Variants in SBNO2 observed in about 807,000 individuals in gnomAD.
The protein encoded by SBNO2 is strawberry notch homolog 2, also known as protein strawberry notch homolog 2.
SBNO2 carries 89 observed loss-of-function variants against 146.3 expected under a neutral mutation model. That is an observed-to-expected ratio of 0.61 (90% CI 0.51 to 0.73). SBNO2 has a LOEUF of 0.73. Ranked by LOEUF, SBNO2 falls within the 30% of genes least tolerant of loss-of-function variation. The pLI is 0.00. For synonymous variants in SBNO2, 1,147 were observed against 892.6 expected (o/e 1.29, Z -5.08); for missense variants, 2,092 against 2,003.7 (o/e 1.04, Z -0.84).
intron 14 of SBNO2, 100 bp downstream of exon 14, chr19:1,118,911 G>T: frequency 7.8e-7 from 1 of 1,274,322 alleles, no homozygotes; most frequent in Non-Finnish European, 1.1e-6. Flanking sequence ...GGACAGGGCG[G>T]GCCGTCACCT....
At position 1,158,239 on chromosome 19, in the gene SBNO2, C is replaced by T. The variant is rs2080310723; in HGVS notation, c.-126-3837G>A. ...GAGCACCTGTCGTGTGGAGCCCCTT[C>T]GCGCGCTCCGCCCTCAGACCCGAGC... On this transcript the variant is annotated intron_variant, in intron 1 of 31. Coordinates refer to ENST00000361757, the MANE Select transcript of SBNO2 (RefSeq NM_014963.3). This position sits in a 1 kb window ranked among gnomAD's most constrained non-coding sequence, Gnocchi z 9.9. Among the ~76,000 whole-genome samples the T allele has an allele frequency of 6.6e-6, 1 of 152,216 alleles. No homozygotes were observed. Among genetic ancestry groups the T allele is most frequent in the African/African-American group, 2.4e-5 (1 of 41,452 alleles).
intron 1 of SBNO2, among the ~76,000 whole-genome samples, chr19:1,164,433 A>G: frequency 6.9e-6 from 1 of 145,490 alleles, no homozygotes; most frequent in African/African-American, 2.6e-5. Flanking sequence ...GAGGAGGAGG[A>G]GGAGGAGGAG....
intron 1 of SBNO2, among the ~76,000 whole-genome samples, chr19:1,165,692 T>TCCCAGACCCCAGATCCTAGATCCCAGAC (rs2080408766): frequency 2.8e-5 from 1 of 35,128 alleles, no homozygotes; most frequent in Admixed American, 3.7e-4. Context: ...AGACCCCAGA[T>TCCCAGACCCCAGATCCTAGATCCCAGAC]CTCAGACCCC....
At chr19:1,123,720 G>A in intron 6 of SBNO2, 81 bp from the exon 7 acceptor site, 1 of 1,375,302 alleles carries the variant, frequency 7.3e-7, no homozygotes, top group South Asian at 1.3e-5. Context: ...GCAGGGGCCA[G>A]GCTGACCATG....
chr19:1,166,100 AACCCCAGATCTCAG>A (rs1458909248), intron 1 of SBNO2, among the ~76,000 whole-genome samples: 5 of 27,228 alleles, frequency 1.8e-4, no homozygotes, highest in Non-Finnish European at 3.2e-4. Context: ...CTAGATCCCA[AACCCCAGATCTCAG>A]ACCCCAGATC....
chr19:1,108,974 G>A lies in SBNO2; in HGVS notation c.3426-5C>T, dbSNP rs1240108543. The A allele has an allele frequency of 4.6e-6, 7 of 1,517,730 alleles. No individual in the cohort carries two copies. Among genetic ancestry groups the A allele is most frequent in the East Asian group, 2.4e-5 (1 of 41,048 alleles). The allele number at this position is 1,517,730 out of a possible 1,614,324, so 94.0% of individuals were successfully genotyped here. ...GCCAGCCGGCAGTGCCGGTTCCTGCGGACGAGACGGGTCGTCTCGGCTCAG... is the reference window on the plus strand; with the variant it reads ...GCCAGCCGGCAGTGCCGGTTCCTGCAGACGAGACGGGTCGTCTCGGCTCAG... On this transcript the variant is annotated splice_region_variant and splice_polypyrimidine_tract_variant and intron_variant, in intron 30 of 31. Transcript: ENST00000361757.
chr19:1,154,580 G>A (rs1407143775), intron 1 of SBNO2, among the ~76,000 whole-genome samples, 178 bp from the exon 2 acceptor site: 3 of 152,136 alleles, frequency 2.0e-5, no homozygotes, highest in East Asian at 1.9e-4. Context: ...GCCATCAGCA[G>A]TGCCACCCAA....
chr19:1,113,790 G>C lies in SBNO2; in HGVS notation c.2078-86C>G, dbSNP rs1215633808. ...CTCAAGGCTGGCCCCTGGAGGGCAA[G>C]GACAAGGGGCCCGGGGCAACCCTGA... On this transcript the variant is annotated intron_variant, in intron 18 of 31. Coordinates refer to ENST00000361757, the MANE Select transcript of SBNO2 (RefSeq NM_014963.3). 8 of 1,381,580 alleles carry C rather than the reference G, an allele frequency of 5.8e-6. No individual in the cohort carries two copies. The South Asian group carries it at 1.4e-4, about 23-fold the overall frequency. The allele number at this position is 1,381,580 out of a possible 1,614,324, so 85.6% of individuals were successfully genotyped here.
intron 11 of SBNO2, 87 bp from the exon 12 acceptor site, chr19:1,120,110 C>T (rs987919020): frequency 8.8e-6 from 9 of 1,024,924 alleles, no homozygotes; most frequent in Non-Finnish European, 1.3e-5. Flanking sequence ...CCCCACCTTC[C>T]TGGTGGGGGG....
chr19:1,121,658 G>T (rs931849875), intron 11 of SBNO2, among the ~76,000 whole-genome samples: 1 of 152,180 alleles, frequency 6.6e-6, no homozygotes, highest in Admixed American at 6.5e-5. Context: ...GCCTGCCGAC[G>T]AGAGCCCTGG....
At chr19:1,162,447 G>A (rs372679479) in intron 1 of SBNO2, among the ~76,000 whole-genome samples, 4 of 145,562 alleles carry the variant, frequency 2.7e-5, no homozygotes, top group South Asian at 4.6e-4. Flanking sequence ...GTGAAAGAGC[G>A]AGACTCCGTC....
In SBNO2 at chr19:1,162,543, T is replaced by A. The variant is rs118049399; in HGVS notation, c.-126-8141A>T. Among the ~76,000 whole-genome samples, 571 of 151,346 alleles carry A rather than the reference T, an allele frequency of 3.8e-3. 17 individuals are homozygous for A. In the East Asian group the frequency reaches 0.091, roughly 24 times the overall value. ...TGGAAATCTGGCTTCCTCTCACCCATACGAGCCTGCCAGAGGCAGGAGGCT... is the reference window on the plus strand; with the variant it reads ...TGGAAATCTGGCTTCCTCTCACCCAAACGAGCCTGCCAGAGGCAGGAGGCT... On this transcript the variant is annotated intron_variant, in intron 1 of 31. Coordinates refer to ENST00000361757, the MANE Select transcript of SBNO2 (RefSeq NM_014963.3).
At chr19:1,165,293 G>C (rs545219288) in intron 1 of SBNO2, among the ~76,000 whole-genome samples, 218 of 152,306 alleles carry the variant, frequency 1.4e-3, no homozygotes, top group African/African-American at 5.0e-3. Flanking sequence ...GGGAATAAAG[G>C]AGGCCCTGGG....
At position 1,157,809 on chromosome 19, in the gene SBNO2, G is replaced by C. The variant is rs549659731; in HGVS notation, c.-126-3407C>G. 6.6e-6 allele frequency among the ~76,000 whole-genome samples: 1 copy of C among 150,782 alleles called. No individual in the cohort carries two copies. The highest frequency in any genetic ancestry group is 2.1e-4 in the South Asian group (1 of 4,796). On this transcript the variant is annotated intron_variant, in intron 1 of 31. Coordinates refer to ENST00000361757, the MANE Select transcript of SBNO2 (RefSeq NM_014963.3). The surrounding 1 kb of genome is among the most constrained non-coding windows in gnomAD (Gnocchi z 6.8). ...ACCGGGTAACTGTGTCCGCCTCCCA[G>C]CTCTCTCCTGAGTCCGGGTAACTGC...
intron 4 of SBNO2, among the ~76,000 whole-genome samples, chr19:1,141,033 G>A (rs1017956070): frequency 2.6e-5 from 4 of 151,520 alleles, no homozygotes; most frequent in Admixed American, 6.6e-5. Flanking sequence ...TGGAGAAGAC[G>A]CACCCCGGAG....
Position 1,109,191 on chromosome 19 carries a change from C to T in SBNO2, c.3369G>A (p.Lys1123=). 6.4e-7 allele frequency: 1 copy of T among 1,563,724 alleles called. No homozygotes were observed. Among genetic ancestry groups the T allele is most frequent in the Non-Finnish European group, 8.7e-7 (1 of 1,155,146 alleles). Reference sequence around the variant, plus strand: ...AAGCGTAGCCACTCTCCCAGGGCTCCTTGGCCTCCTCCGCGGTGACCTAGG... The same window carrying T: ...AAGCGTAGCCACTCTCCCAGGGCTCTTTGGCCTCCTCCGCGGTGACCTAGG... ...KFHRVTAEEA[K]EPWESGYALS... is the part of the protein sequence containing the mutation. The change falls in exon 30 of 32, where the codon AAG becomes AAA. Residue 1123 remains lysine (K), a synonymous_variant. Transcript: ENST00000361757. The surrounding 1 kb of genome is among the most constrained non-coding windows in gnomAD (Gnocchi z 4.2).
Position 1,109,469 on chromosome 19 carries a change from G to A in SBNO2, c.3216+37C>T, listed in dbSNP as rs769179660. ...GCCGCGCCCCGGTCCGCCCCCCGCG[G>A]GCCCTCCTCTGGGGGGGTAACCCCG... is the stretch of plus-strand genomic sequence containing the variant. On this transcript the variant is annotated intron_variant, in intron 28 of 31. Coordinates refer to ENST00000361757, the MANE Select transcript of SBNO2 (RefSeq NM_014963.3). The surrounding 1 kb of genome is among the most constrained non-coding windows in gnomAD (Gnocchi z 4.2). The A allele has an allele frequency of 3.8e-6, 6 of 1,571,202 alleles. No homozygotes were observed. Among genetic ancestry groups the A allele is most frequent in the Non-Finnish European group, 5.2e-6 (6 of 1,159,838 alleles).
At chr19:1,165,073 C>G (rs987324397) in intron 1 of SBNO2, among the ~76,000 whole-genome samples, 3 of 152,022 alleles carry the variant, frequency 2.0e-5, no homozygotes, top group Non-Finnish European at 4.4e-5. Context: ...AACAAGGCGT[C>G]CAGCCCGAGC....
intron 4 of SBNO2, among the ~76,000 whole-genome samples, chr19:1,143,573 C>T (rs1421663547): frequency 6.6e-6 from 1 of 152,172 alleles, no homozygotes; most frequent in East Asian, 1.9e-4. Context: ...GGGCAGGTCC[C>T]TCCCGGGGGC....
Sources: gnomAD v4.1 joint callset for allele counts (sites outside exome capture counted in the v4.1 genomes callset) on GRCh38, gnomAD v4.1.1 for gene constraint, Gnocchi (gnomAD v3.1) non-coding constraint, MANE v1.5 for transcripts, NCBI Gene and HGNC (gene_info 2026-07-23, HGNC 2026-07-21) for gene names.